UNC5A: variants seen among roughly 807,000 people sequenced by gnomAD.
UNC5A encodes the protein netrin receptor UNC5A.
In UNC5A, 20 loss-of-function variants were observed where a neutral mutation model predicts 87.4. That is an observed-to-expected ratio of 0.23 (90% CI 0.16 to 0.33). UNC5A has a LOEUF of 0.33. Ranked by LOEUF, UNC5A falls within the 10% of genes least tolerant of loss-of-function variation. The pLI, the probability that UNC5A is intolerant of heterozygous loss-of-function variation, is 1.00. For missense variants in UNC5A, 844 were observed against 1,133.4 expected (o/e 0.74, Z 3.67); for synonymous variants, 438 against 482.3 (o/e 0.91, Z 1.20).
intron 1 of UNC5A, among the ~76,000 whole-genome samples, chr5:176,858,792 G>GCAGGC (rs1757741008): frequency 2.5e-5 from 1 of 39,402 alleles, no homozygotes; most frequent in African/African-American, 8.5e-5. Context: ...AGCAGGCAGG[G>GCAGGC]AGGGAGGGAG....
At chr5:176,852,795 G>A (rs1320983791) in intron 1 of UNC5A, among the ~76,000 whole-genome samples, 8 of 152,226 alleles carry the variant, frequency 5.3e-5, no homozygotes, top group Non-Finnish European at 1.0e-4. Context: ...AGTGTGGGAA[G>A]GCCCAAGCCA....
rs981424407 is a variant in UNC5A at position 176,810,568 on chromosome 5, C to A, written c.-183C>A. The A allele has an allele frequency of 3.4e-5, 5 of 147,754 alleles. No homozygotes were observed. Among genetic ancestry groups the A allele is most frequent in the African/African-American group, 1.2e-4 (5 of 40,886 alleles). The allele number at this position is 147,754 out of a possible 1,614,324, so 9.2% of individuals were successfully genotyped here. A position where few individuals can be genotyped will look rare whatever the true frequency, so the allele number is the denominator to read the frequency against. ...GCGCTCCGCCCCGGCTGCATTGCTG[C>A]GCTCCCGTGCCCAAGGGAGCCACGC... is the stretch of plus-strand genomic sequence containing the variant. On this transcript the variant is annotated 5_prime_UTR_variant, in exon 1 of 15. Transcript: ENST00000329542. The surrounding 1 kb of genome is among the most constrained non-coding windows in gnomAD (Gnocchi z 7.3).
intron 1 of UNC5A, among the ~76,000 whole-genome samples, chr5:176,839,115 A>G (rs1207813809): frequency 6.6e-6 from 1 of 152,108 alleles, no homozygotes; most frequent in African/African-American, 2.4e-5. Context: ...CCAGCTACTG[A>G]TGCCCTGTGC....
intron 1 of UNC5A, among the ~76,000 whole-genome samples, chr5:176,813,815 T>C (rs1233367008): frequency 6.6e-6 from 1 of 152,212 alleles, no homozygotes; most frequent in Non-Finnish European, 1.5e-5. Context: ...GAGCCTGCCC[T>C]GAGCTTGGGG....
intron 1 of UNC5A, among the ~76,000 whole-genome samples, chr5:176,855,769 C>A (rs944921412): frequency 6.6e-6 from 1 of 152,210 alleles, no homozygotes; most frequent in African/African-American, 2.4e-5. Context: ...TGGGGGCAAA[C>A]CTCCATGGGG....
intron 1 of UNC5A, among the ~76,000 whole-genome samples, chr5:176,811,798 C>G (rs1453039158): frequency 6.6e-6 from 1 of 152,050 alleles, no homozygotes; most frequent in Non-Finnish European, 1.5e-5. Flanking sequence ...CCTGGCAATT[C>G]TCGATTCTTG....
At chr5:176,870,556 G>T (rs755150125) in intron 6 of UNC5A, 22 bp downstream of exon 6, 1 of 1,553,768 alleles carries the variant, frequency 6.4e-7, no homozygotes, top group Admixed American at 1.8e-5. Flanking sequence ...CTGCCCTGAG[G>T]TCCTCTTCTG....
intron 6 of UNC5A, among the ~76,000 whole-genome samples, chr5:176,873,622 T>A (rs1236834097): frequency 4.6e-5 from 7 of 152,072 alleles, no homozygotes; most frequent in Non-Finnish European, 8.8e-5. Flanking sequence ...AAGCTGCCCT[T>A]GTCCCAGAAG....
intron 1 of UNC5A, among the ~76,000 whole-genome samples, chr5:176,830,806 G>T (rs1756998426): frequency 1.3e-5 from 2 of 148,960 alleles, no homozygotes; most frequent in Non-Finnish European, 3.0e-5. Context: ...GCATGTGTGT[G>T]TGCGTGTGTG....
chr5:176,864,906 G>A (rs993904786), intron 2 of UNC5A: 5 of 448,606 alleles, frequency 1.1e-5, no homozygotes, highest in African/African-American at 4.0e-5. Flanking sequence ...CGGCCCCAGC[G>A]GAGGTGCCAG....
At chr5:176,849,960 C>G (rs111449787) in intron 1 of UNC5A, among the ~76,000 whole-genome samples, 101 of 152,370 alleles carry the variant, frequency 6.6e-4, no homozygotes, top group African/African-American at 2.4e-3. Flanking sequence ...AGCCCCTGAG[C>G]TGGACACTGC....
chr5:176,813,184 C>G (rs572671942), intron 1 of UNC5A, among the ~76,000 whole-genome samples: 1 of 152,232 alleles, frequency 6.6e-6, no homozygotes, highest in South Asian at 2.1e-4. Flanking sequence ...TCTCAAACCC[C>G]GTCACGCAGC....
Position 176,874,236 on chromosome 5 carries a change from A to G in UNC5A, c.1076-28A>G. 6.3e-7 allele frequency: 1 copy of G among 1,585,310 alleles called. No homozygotes were observed. Among genetic ancestry groups the G allele is most frequent in the Non-Finnish European group, 8.6e-7 (1 of 1,163,614 alleles). The stretch of plus-strand genomic sequence containing the variant: ...CTGGGGCAGGGATGCCCTAGGTGCC[A>G]TTGCCTGAGTCTGTCTTTATCCTGC... On this transcript the variant is annotated intron_variant, in intron 7 of 14. Transcript: ENST00000329542. The surrounding 1 kb of genome is among the most constrained non-coding windows in gnomAD (Gnocchi z 7.6).
At chr5:176,878,876 G>GGA (rs1335793910) in intron 13 of UNC5A, among the ~76,000 whole-genome samples, 4 of 152,310 alleles carry the variant, frequency 2.6e-5, no homozygotes, top group Admixed American at 2.0e-4. Flanking sequence ...CAGCAGGAGG[G>GGA]GAGACCCTGG....
intron 2 of UNC5A, among the ~76,000 whole-genome samples, chr5:176,867,691 AG>A (rs1446003333): frequency 1.3e-5 from 2 of 152,156 alleles, no homozygotes; most frequent in Non-Finnish European, 2.9e-5. Context: ...CCCCCGAGGG[AG>A]GGGGCCAGAT....
chr5:176,846,049 T>G (rs1307326717), intron 1 of UNC5A, among the ~76,000 whole-genome samples: 2 of 152,108 alleles, frequency 1.3e-5, no homozygotes, highest in Admixed American at 1.3e-4. Flanking sequence ...GCCAGGTTGG[T>G]GGCCATGCTG....
At chr5:176,829,665 G>A (rs1178528074) in intron 1 of UNC5A, among the ~76,000 whole-genome samples, 1 of 152,094 alleles carries the variant, frequency 6.6e-6, no homozygotes, top group Non-Finnish European at 1.5e-5. Flanking sequence ...TGGATGGATG[G>A]ATCAATGGGA....
intron 1 of UNC5A, among the ~76,000 whole-genome samples, chr5:176,843,552 G>T (rs1757331406): frequency 6.6e-6 from 1 of 152,242 alleles, no homozygotes; most frequent in Non-Finnish European, 1.5e-5. Flanking sequence ...TCAGGCTGTA[G>T]ATTTAATGGG....
At chr5:176,821,305 G>C (rs1756722275) in intron 1 of UNC5A, among the ~76,000 whole-genome samples, 1 of 152,210 alleles carries the variant, frequency 6.6e-6, no homozygotes. Flanking sequence ...CAGAGTCTGA[G>C]CCTGCCTACC....
Sources: gnomAD v4.1 joint callset for allele counts (sites outside exome capture counted in the v4.1 genomes callset) on GRCh38, gnomAD v4.1.1 for gene constraint, Gnocchi (gnomAD v3.1) non-coding constraint, MANE v1.5 for transcripts, NCBI Gene and HGNC (gene_info 2026-07-23, HGNC 2026-07-21) for gene names.